BTBD6: variants seen among roughly 807,000 people sequenced by gnomAD.
The protein encoded by BTBD6 is BTB domain containing 6.
Under a neutral mutation model 40.6 loss-of-function variants are expected in BTBD6, and 30 were observed. That is an observed-to-expected ratio of 0.74 (90% confidence interval 0.55 to 1.00). The LOEUF is 1.00. Among genes scored for constraint, BTBD6 ranks in the 50% least tolerant of loss-of-function variants. The pLI is 0.00. For synonymous variants in BTBD6, 378 were observed against 308.7 expected (o/e 1.22, Z -2.35); for missense variants, 698 against 694.6 (o/e 1.00, Z -0.06).
chr14:105,250,373 G>A lies in BTBD6; in HGVS notation c.1318G>A (p.Val440Met), dbSNP rs1258400198. Residue 440 changes from valine to methionine, a missense_variant, in exon 4 of 4, where the codon GTG (valine) becomes ATG (methionine). Transcript: ENST00000392554. Reference protein sequence around the residue: ...GSSSGKAEYSVKIELKRLGVV... With the variant: ...GSSSGKAEYSMKIELKRLGVV... Reference sequence around the variant, plus strand: ...CAGCTCTGGGAAGGCTGAGTACAGCGTGAAGATTGAGCTCAAGCGGCTCGG... The same window carrying A: ...CAGCTCTGGGAAGGCTGAGTACAGCATGAAGATTGAGCTCAAGCGGCTCGG... 5 of 1,613,796 alleles carry A rather than the reference G, an allele frequency of 3.1e-6. No individual in the cohort carries two copies. The highest frequency in any genetic ancestry group is 4.2e-6 in the Non-Finnish European group (5 of 1,180,026).
At position 105,250,515 on chromosome 14, in the gene BTBD6, C is replaced by T. The variant is rs587753993; in HGVS notation, c.1460C>T (p.Ala487Val). Reference protein sequence around the residue: ...VEQDTFYTASAVLDGSELSYF... With the variant: ...VEQDTFYTASVVLDGSELSYF... The stretch of plus-strand genomic sequence containing the variant: ...CAAGACACCTTCTACACGGCCAGTG[C>T]CGTCCTGGACGGCAGCGAACTCAGC... Residue 487 changes from alanine (A) to valine (V), a missense_variant, in exon 4 of 4, where the codon GCC (alanine) becomes GTC (valine). Coordinates refer to ENST00000392554, the MANE Select transcript of BTBD6 (RefSeq NM_001387567.1). 1.2e-6 allele frequency: 2 copies of T among 1,614,058 alleles called. No homozygotes were observed. Among genetic ancestry groups the T allele is most frequent in the Admixed American group, 3.3e-5 (2 of 60,016 alleles).
In BTBD6 at chr14:105,249,346, C is replaced by T. The variant is rs1433385935; in HGVS notation, c.466-14C>T. The T allele has an allele frequency of 6.2e-7, 1 of 1,607,474 alleles. No homozygotes were observed. The highest frequency in any genetic ancestry group is 2.2e-5 in the East Asian group (1 of 44,750). On this transcript the variant is annotated splice_polypyrimidine_tract_variant and intron_variant, in intron 2 of 3. Coordinates refer to ENST00000392554, the MANE Select transcript of BTBD6 (RefSeq NM_001387567.1). ...CGGGAGAGCCAGGCTCACGGCGGCG[C>T]TTTCTCCTCCCAGTACGTCTTGGCT...
chr14:105,249,580 G>A, intron 3 of BTBD6, 60 bp from the exon 4 acceptor site: 1 of 1,585,104 alleles, frequency 6.3e-7, no homozygotes, highest in Non-Finnish European at 8.6e-7. Flanking sequence ...CCTCTCCCAG[G>A]CCCAGCCCCG....
chr14:105,249,401 C>G lies in BTBD6; in HGVS notation c.507C>G (p.Phe169Leu). The change falls in exon 3 of 4, where the codon TTC (phenylalanine) becomes TTG (leucine). Residue 169 changes from phenylalanine (F) to leucine (L), a missense_variant. Phe to Leu is a conservative substitution (Grantham distance 22, BLOSUM62 0). Coordinates refer to ENST00000392554, the MANE Select transcript of BTBD6 (RefSeq NM_001387567.1). ...AVGSSVFYAM[F>L]YGDLAEVKSE... The stretch of plus-strand genomic sequence containing the variant: ...GCAGCTCCGTCTTCTATGCCATGTT[C>G]TACGGAGACCTGGCGGAAGTCAAAT... 6.2e-7 allele frequency: 1 copy of G among 1,613,404 alleles called. No individual in the cohort carries two copies. The highest frequency in any genetic ancestry group is 1.1e-5 in the South Asian group (1 of 91,020).
At chr14:105,249,108 C>T in intron 1 of BTBD6, 23 bp downstream of exon 1, 4 of 1,499,984 alleles carry the variant, frequency 2.7e-6, no homozygotes, top group Non-Finnish European at 1.8e-6. Flanking sequence ...CCCGCGGCCC[C>T]CGCGCCCGCG....
In BTBD6 at chr14:105,250,165, C is replaced by T. The variant is rs760614204; in HGVS notation, c.1110C>T (p.Ala370=). The T allele has an allele frequency of 6.8e-6, 11 of 1,612,984 alleles. No homozygotes were observed. Among genetic ancestry groups the T allele is most frequent in the Non-Finnish European group, 8.5e-6 (10 of 1,180,044 alleles). The change falls in exon 4 of 4, where the codon GCC becomes GCT. Residue 370 remains alanine, a synonymous_variant. Transcript: ENST00000392554. ...ACAGCATCTTCCTGTGGTACACGGC[C>T]ACCAACAAGCCCCGCCTGGACTTTC... is the stretch of plus-strand genomic sequence containing the variant. The part of the protein sequence containing the change: ...ETHSIFLWYT[A]TNKPRLDFPL...
Position 105,250,464 on chromosome 14 carries a change from G to C in BTBD6, c.1409G>C (p.Trp470Ser), listed in dbSNP as rs780142582. The C allele has an allele frequency of 6.2e-7, 1 of 1,614,032 alleles. No homozygotes were observed. Among genetic ancestry groups the C allele is most frequent in the Non-Finnish European group, 8.5e-7 (1 of 1,180,038 alleles). The change falls in exon 4 of 4, where the codon TGG (tryptophan) becomes TCG (serine). Residue 470 changes from tryptophan (W) to serine (S), a missense_variant. Coordinates refer to ENST00000392554, the MANE Select transcript of BTBD6 (RefSeq NM_001387567.1). ...GGATCCAGTAACACCTTCCCGGTCT[G>C]GTTTGAACACCCGGTCCAGGTTGAA... ...SDGSSNTFPV[W>S]FEHPVQVEQD...
chr14:105,248,981 C>G lies in BTBD6; in HGVS notation c.270C>G (p.Ala90=). 1 of 986,340 alleles carries G rather than the reference C, an allele frequency of 1.0e-6. No individual in the cohort carries two copies. Among genetic ancestry groups the G allele is most frequent in the South Asian group, 4.5e-5 (1 of 22,128 alleles). 61.1% of individuals were successfully genotyped at this position (986,340 alleles called of 1,614,324 possible). ...CCGGGCCGCGCAGCCCGCCCAGCGC[C>G]CCCGCGCCAGCGCCGCCGCCGCCCG... ...RKAGPRSPPS[A]PAPAPPPPAP... Residue 90 remains alanine, a synonymous_variant, in exon 1 of 4, where the codon GCC becomes GCG. Transcript: ENST00000392554.
At chr14:105,249,108 CCGCGCCCGCG>C (rs1004214884) in intron 1 of BTBD6, 23 bp downstream of exon 1, 9 of 1,499,984 alleles carry the variant, frequency 6.0e-6, no homozygotes, top group South Asian at 2.5e-5. Flanking sequence ...CCCGCGGCCC[CCGCGCCCGCG>C]CGCGCCCACG....
In BTBD6 at chr14:105,248,563, A is replaced by ACGGGCT. The variant is rs1376336058; in HGVS notation, c.-143_-138dup. 3.8e-6 allele frequency: 1 copy of ACGGGCT among 263,638 alleles called. No homozygotes were observed. Among genetic ancestry groups the ACGGGCT allele is most frequent in the Non-Finnish European group, 4.5e-6 (1 of 220,124 alleles). The allele number at this position is 263,638 out of a possible 1,614,324, so 16.3% of individuals were successfully genotyped here. Reference sequence around the variant, plus strand: ...GTGACGCACCGGCGCCGCGGCGGGTACGGGCTCGGGCGGGCGGGCGGGCGG... The same window carrying ACGGGCT: ...GTGACGCACCGGCGCCGCGGCGGGTACGGGCTCGGGCTCGGGCGGGCGGGCGGGCGG... On this transcript the variant is annotated 5_prime_UTR_variant, in exon 1 of 4. Transcript: ENST00000392554.
rs1299340826 is a variant in BTBD6, at chr14:105,249,102, C to T, written c.374+17C>T. 2.0e-6 allele frequency: 3 copies of T among 1,492,060 alleles called. No homozygotes were observed. The highest frequency in any genetic ancestry group is 2.3e-5 in the Admixed American group (1 of 44,318). The allele number at this position is 1,492,060 out of a possible 1,614,324, so 92.4% of individuals were successfully genotyped here. On this transcript the variant is annotated intron_variant, in intron 1 of 3. Transcript: ENST00000392554. ...GCGCGAGAGGTGAGCCCGTGCCCCG[C>T]GGCCCCCGCGCCCGCGCGCGCCCAC...
Position 105,249,034 on chromosome 14 carries a change from AC to A in BTBD6, c.325del (p.His109ThrfsTer83). ...PAPAPPTLGN[N>X]HQESPGWRCC... ...CCCGCGCCGCCCACACTCGGCAACA[AC>A]CACCAGGAGAGCCCCGGCTGGCGGT... On this transcript the variant is annotated frameshift_variant, in exon 1 of 4. Transcript: ENST00000392554. LOFTEE classifies it high-confidence loss of function. 8.2e-7 allele frequency: 1 copy of A among 1,213,144 alleles called. No homozygotes were observed. The allele number at this position is 1,213,144 out of a possible 1,614,324, so 75.1% of individuals were successfully genotyped here.
chr14:105,250,429 C>T lies in BTBD6; in HGVS notation c.1374C>T (p.Phe458=), dbSNP rs587637269. 43 of 1,613,952 alleles carry T rather than the reference C, an allele frequency of 2.7e-5. No individual in the cohort carries two copies. In the East Asian group the frequency reaches 9.6e-4, roughly 36 times the overall value. Residue 458 remains phenylalanine, a synonymous_variant, in exon 4 of 4, where the codon TTC becomes TTT. Coordinates refer to ENST00000392554, the MANE Select transcript of BTBD6 (RefSeq NM_001387567.1). ...GVVLAQNLTK[F]MSDGSSNTFP... is the part of the protein sequence containing the mutation. ...TTCTGGCTCAGAACTTGACCAAGTT[C>T]ATGTCAGACGGATCCAGTAACACCT...
rs1014041749 is a variant in BTBD6, at chr14:105,249,000, CCGCCCG to C, written c.300_305del (p.Ala101_Pro102del). 7.1e-5 allele frequency: 73 copies of C among 1,025,014 alleles called. No individual in the cohort carries two copies. Among genetic ancestry groups the C allele is most frequent in the African/African-American group, 3.6e-4 (21 of 57,608 alleles). 63.5% of individuals were successfully genotyped at this position (1,025,014 alleles called of 1,614,324 possible). A position where few individuals can be genotyped will look rare whatever the true frequency, so the allele number is the denominator to read the frequency against. ...CAGCGCCCCCGCGCCAGCGCCGCCG[CCGCCCG>C]CGCCCGCGCCGCCCACACTCGGCAA... is the stretch of plus-strand genomic sequence containing the variant. On this transcript the variant is annotated inframe_deletion, in exon 1 of 4. Transcript: ENST00000392554.
At position 105,248,869 on chromosome 14, in the gene BTBD6, A is replaced by T. The variant is rs1298117861; in HGVS notation, c.158A>T (p.Lys53Met). Residue 53 changes from lysine to methionine, a missense_variant, in exon 1 of 4, where the codon AAG (lysine) becomes ATG (methionine). Coordinates refer to ENST00000392554, the MANE Select transcript of BTBD6 (RefSeq NM_001387567.1). ...AEAAPAAPPA[K>M]MAAELYAPAS... ...GCTGCCCCCGCCGCCCCGCCCGCGA[A>T]GATGGCGGCGGAACTCTACGCTCCC... 1 of 987,776 alleles carries T rather than the reference A, an allele frequency of 1.0e-6. No homozygotes were observed. The highest frequency in any genetic ancestry group is 1.8e-5 in the African/African-American group (1 of 56,294). The allele number at this position is 987,776 out of a possible 1,614,324, so 61.2% of individuals were successfully genotyped here.
Position 105,248,603 on chromosome 14 carries a change from C to CGGCCGGGCCT in BTBD6, c.-100_-91dup, listed in dbSNP as rs1048482817. ...CGGGCGGGCGGGACGGCGCCCCCCG[C>CGGCCGGGCCT]GGCCGGGCCTGGCCGGGCTGCGCTA... On this transcript the variant is annotated 5_prime_UTR_variant, in exon 1 of 4. Transcript: ENST00000392554. The CGGCCGGGCCT allele has an allele frequency of 4.1e-6, 4 of 966,710 alleles. No homozygotes were observed. The highest frequency in any genetic ancestry group is 1.8e-5 in the African/African-American group (1 of 54,132). 59.9% of individuals were successfully genotyped at this position (966,710 alleles called of 1,614,324 possible). A position where few individuals can be genotyped will look rare whatever the true frequency, so the allele number is the denominator to read the frequency against.
At position 105,250,942 on chromosome 14, in the gene BTBD6, T is replaced by C. The variant is rs4677; in HGVS notation, c.*270T>C. The C allele has an allele frequency of 0.26, 119,784 of 454,878 alleles. 16,705 individuals are homozygous for C. The highest frequency in any genetic ancestry group is 0.31 in the Middle Eastern group (504 of 1,640). 28.2% of individuals were successfully genotyped at this position (454,878 alleles called of 1,614,324 possible). A position where few individuals can be genotyped will look rare whatever the true frequency, so the allele number is the denominator to read the frequency against. On this transcript the variant is annotated 3_prime_UTR_variant, in exon 4 of 4. Transcript: ENST00000392554. ...CCAGATCCCCTCCCAGTGGCACCCA[T>C]GCCACCTGCTTTGAGGGGTTGGATC...
chr14:105,249,898 C>G lies in BTBD6; in HGVS notation c.843C>G (p.Asp281Glu), dbSNP rs1472313927. The G allele has an allele frequency of 6.2e-7, 1 of 1,611,224 alleles. No individual in the cohort carries two copies. Among genetic ancestry groups the G allele is most frequent in the African/African-American group, 1.3e-5 (1 of 74,946 alleles). Residue 281 changes from aspartate (D) to glutamate (E), a missense_variant, in exon 4 of 4, where the codon GAC becomes GAG. By Grantham distance (45) the Asp-to-Glu change is conservative. Coordinates refer to ENST00000392554, the MANE Select transcript of BTBD6 (RefSeq NM_001387567.1). ...GGTCCGAAGGCTTCTGTGAGATAGA[C>G]CGGCAGACGCTGGAGATCATTGTCA... ...ALRSEGFCEI[D>E]RQTLEIIVTR...
In BTBD6 at chr14:105,249,674, G is replaced by A. The variant is rs1226137312; in HGVS notation, c.619G>A (p.Asp207Asn). The change falls in exon 4 of 4, where the codon GAC becomes AAC. Residue 207 changes from aspartate (D) to asparagine (N), a missense_variant. By Grantham distance (23) the Asp-to-Asn change is conservative. Transcript: ENST00000392554. ...CAGTGATGAGATCGATCTGGAAGCC[G>A]ACACGGTGCTGGCCACTCTGTACGC... Reference protein sequence around the residue: ...MYSDEIDLEADTVLATLYAAK... With the variant: ...MYSDEIDLEANTVLATLYAAK... 3.7e-6 allele frequency: 6 copies of A among 1,613,088 alleles called. No individual in the cohort carries two copies. Among genetic ancestry groups the A allele is most frequent in the Non-Finnish European group, 4.2e-6 (5 of 1,179,662 alleles).
Sources: gnomAD v4.1 joint callset for allele counts on GRCh38, gnomAD v4.1.1 for gene constraint, MANE v1.5 for transcripts, NCBI Gene and HGNC (gene_info 2026-07-23, HGNC 2026-07-21) for gene names.